C8orf34: variants seen among roughly 807,000 people sequenced by gnomAD.
The protein encoded by C8orf34 is chromosome 8 open reading frame 34.
Under a neutral mutation model 68.3 loss-of-function variants are expected in C8orf34, and 65 were observed. The observed-to-expected ratio is 0.95, with a 90% CI of 0.78 to 1.17. The LOEUF is 1.17. C8orf34 is among the 50% of genes most tolerant of loss of function. C8orf34 has a pLI of 0.00. For synonymous variants in C8orf34, 244 were observed against 241.2 expected, an observed-to-expected ratio of 1.01 and a Z score of -0.11; for missense variants, 664 against 655.4, an observed-to-expected ratio of 1.01 and a Z score of -0.14.
intron 5 of C8orf34, among the ~76,000 whole-genome samples, chr8:68,516,736 A>G (rs1226985729): frequency 6.6e-6 from 1 of 151,894 alleles, no homozygotes; most frequent in Non-Finnish European, 1.5e-5. Flanking sequence ...CTCCTCCCAG[A>G]TTCAAGTGAT....
intron 10 of C8orf34, among the ~76,000 whole-genome samples, chr8:68,741,704 A>G (rs1822300281): frequency 6.6e-6 from 1 of 152,164 alleles, no homozygotes. Flanking sequence ...GCTCCCACAA[A>G]TAAGTGAGAA....
chr8:68,332,710 A>G (rs1481753104), intron 1 of C8orf34, among the ~76,000 whole-genome samples: 4 of 152,062 alleles, frequency 2.6e-5, no homozygotes, highest in Admixed American at 2.6e-4. Flanking sequence ...TTTTTGCCCA[A>G]CTTTAACGTT....
intron 8 of C8orf34, among the ~76,000 whole-genome samples, chr8:68,699,049 G>A (rs1170218543): frequency 6.6e-6 from 1 of 151,838 alleles, no homozygotes; most frequent in African/African-American, 2.4e-5. Flanking sequence ...GTATCATCTG[G>A]AAACTTACTA....
At chr8:68,711,875 A>G (rs533825033) in intron 9 of C8orf34, among the ~76,000 whole-genome samples, 1 of 152,192 alleles carries the variant, frequency 6.6e-6, no homozygotes, top group Non-Finnish European at 1.5e-5. Flanking sequence ...TTACCTGCAC[A>G]CATAGTCATC....
chr8:68,607,142 A>C (rs959284873), intron 7 of C8orf34, among the ~76,000 whole-genome samples: 5 of 152,166 alleles, frequency 3.3e-5, no homozygotes, highest in African/African-American at 1.2e-4. Context: ...GGCTTTGTTC[A>C]TCGAAAAAAG....
chr8:68,399,842 T>C (rs1304724341), intron 1 of C8orf34, among the ~76,000 whole-genome samples: 1 of 152,154 alleles, frequency 6.6e-6, no homozygotes, highest in East Asian at 1.9e-4. Context: ...TTTTACTTCA[T>C]TTAATAACCA....
intron 6 of C8orf34, among the ~76,000 whole-genome samples, chr8:68,526,267 T>C (rs1178242591): frequency 6.6e-6 from 1 of 152,134 alleles, no homozygotes; most frequent in African/African-American, 2.4e-5. Flanking sequence ...TTAAGATAAA[T>C]TTCTTTTTAA....
intron 4 of C8orf34, among the ~76,000 whole-genome samples, chr8:68,477,696 G>A (rs373802768): frequency 1.8e-4 from 27 of 152,312 alleles, no homozygotes; most frequent in African/African-American, 6.3e-4. Context: ...GGCTCCACCC[G>A]TGTAGCAGAC....
intron 8 of C8orf34, among the ~76,000 whole-genome samples, chr8:68,663,690 G>A (rs190618236): frequency 2.6e-4 from 40 of 152,262 alleles, no homozygotes; most frequent in Non-Finnish European, 5.1e-4. Context: ...CCTTGTGAGA[G>A]CAGATAATTG....
intron 7 of C8orf34, among the ~76,000 whole-genome samples, chr8:68,636,167 C>G (rs765627694): frequency 6.6e-6 from 1 of 152,014 alleles, no homozygotes; most frequent in Non-Finnish European, 1.5e-5. Flanking sequence ...TTGGCTTTCT[C>G]CAGTTGGTTC....
rs1818971505 is a variant in C8orf34, at chr8:68,640,452, T to A, written c.1182T>A (p.Pro394=). ...GGAGCAAATTTAACCAAGGCCGTCC[T>A]ACTTACCCTGCTGAGCCTCAGGCCA... ...PSGSKFNQGR[P]TYPAEPQAKV... The change falls in exon 8 of 14, where the codon CCT becomes CCA. Residue 394 remains proline, a synonymous_variant. Transcript: ENST00000518698. 6.2e-7 allele frequency: 1 copy of A among 1,613,986 alleles called. No homozygotes were observed. Among genetic ancestry groups the A allele is most frequent in the Non-Finnish European group, 8.5e-7 (1 of 1,179,912 alleles).
chr8:68,437,643 TTTA>T (rs1810720539), intron 1 of C8orf34, among the ~76,000 whole-genome samples: 1 of 152,174 alleles, frequency 6.6e-6, no homozygotes, highest in African/African-American at 2.4e-5. Context: ...CCTTTTTTAA[TTTA>T]TTATTATAAT....
chr8:68,453,116 T>TA (rs1434427221), intron 3 of C8orf34, among the ~76,000 whole-genome samples: 16 of 152,040 alleles, frequency 1.1e-4, no homozygotes, highest in African/African-American at 3.9e-4. Context: ...TCCATTCCAT[T>TA]AAGCTATATG....
intron 8 of C8orf34, among the ~76,000 whole-genome samples, chr8:68,646,952 G>A (rs1240158412): frequency 2.0e-5 from 3 of 152,128 alleles, no homozygotes; most frequent in African/African-American, 7.2e-5. Context: ...ACTGTGACAT[G>A]CTGTTTTTAA....
chr8:68,441,011 A>C (rs58483458), intron 2 of C8orf34, among the ~76,000 whole-genome samples: 5,127 of 152,040 alleles, frequency 0.034, 258 homozygotes, highest in African/African-American at 0.12. Flanking sequence ...TCACTGTGTT[A>C]GCCAGGATGG....
chr8:68,729,914 T>C (rs1361767973), intron 10 of C8orf34, among the ~76,000 whole-genome samples: 5 of 152,192 alleles, frequency 3.3e-5, no homozygotes, highest in Non-Finnish European at 7.4e-5. Context: ...CCAGATTATT[T>C]TTCATACTCA....
chr8:68,390,582 T>C (rs1030370185), intron 1 of C8orf34, among the ~76,000 whole-genome samples: 2 of 152,184 alleles, frequency 1.3e-5, no homozygotes, highest in Non-Finnish European at 2.9e-5. Flanking sequence ...CTTTTTTCTT[T>C]GGCTATGGGA....
chr8:68,773,053 G>A (rs1189088388), intron 10 of C8orf34, among the ~76,000 whole-genome samples: 1 of 151,918 alleles, frequency 6.6e-6, no homozygotes, highest in Non-Finnish European at 1.5e-5. Flanking sequence ...AAAATACTAT[G>A]TTGCTAGAAT....
chr8:68,330,946 A>C (rs907690473), upstream of C8orf34: 38 of 1,237,756 alleles, frequency 3.1e-5, no homozygotes, highest in Middle Eastern at 2.9e-4. Flanking sequence ...CTCTGCCTCG[A>C]ATTTCCCCAC....
Sources: gnomAD v4.1 joint callset for allele counts (sites outside exome capture counted in the v4.1 genomes callset) on GRCh38, gnomAD v4.1.1 for gene constraint, MANE v1.5 for transcripts, NCBI Gene and HGNC (gene_info 2026-07-23, HGNC 2026-07-21) for gene names.